The following SYCP1 variants were observed in gnomAD, a reference collection of about 807,000 sequenced individuals.
SYCP1 encodes the protein synaptonemal complex protein 1.
SYCP1 carries 64 observed loss-of-function variants against 153.1 expected under a neutral mutation model. That is an observed-to-expected ratio of 0.42 (90% CI 0.34 to 0.51). The LOEUF (loss-of-function observed/expected upper bound fraction) is 0.51. SYCP1 is among the 20% of genes least tolerant of loss of function. The probability of loss-of-function intolerance (pLI) is 0.06; values close to 1 mark genes in which losing one functional copy is unlikely to be tolerated. For synonymous variants in SYCP1, 384 were observed against 341.8 expected, an observed-to-expected ratio of 1.12 and a Z score of -1.36; for missense variants, 997 against 1,049.0, an observed-to-expected ratio of 0.95 and a Z score of 0.68.
At position 114,860,058 on chromosome 1, in the gene SYCP1, A is replaced by T. The variant is rs569122531; in HGVS notation, c.524+248A>T. Among the ~76,000 whole-genome samples, 8 of 152,308 alleles carry T rather than the reference A, an allele frequency of 5.3e-5. No individual in the cohort carries two copies. The South Asian group carries it at 1.7e-3, about 32-fold the overall frequency. ...CAGGAATAAACATTCCTTGGTGTCA[A>T]AAAAGATGCCTGATAATTCTGTATC... On this transcript the variant is annotated intron_variant, in intron 7 of 31. Coordinates refer to ENST00000369522, the MANE Select transcript of SYCP1 (RefSeq NM_003176.4).
chr1:114,908,354 T>C (rs2101657867), intron 16 of SYCP1, among the ~76,000 whole-genome samples: 4 of 152,310 alleles, frequency 2.6e-5, no homozygotes, highest in Middle Eastern at 6.8e-3. Context: ...GAAGTTGAAT[T>C]ATTATATTTG....
At chr1:114,946,079 C>G (rs1245020206) in intron 25 of SYCP1, among the ~76,000 whole-genome samples, 1 of 151,620 alleles carries the variant, frequency 6.6e-6, no homozygotes, top group African/African-American at 2.4e-5. Flanking sequence ...GTGTGTTTCA[C>G]TATTGAGGTT....
At chr1:114,988,639 C>T (rs1186153953) in intron 30 of SYCP1, among the ~76,000 whole-genome samples, 1 of 151,896 alleles carries the variant, frequency 6.6e-6, no homozygotes, top group Non-Finnish European at 1.5e-5. Context: ...TACCACTAAA[C>T]CTGCTCTTCA....
At chr1:114,906,775 T>C (rs1179104681) in intron 16 of SYCP1, among the ~76,000 whole-genome samples, 2 of 152,204 alleles carry the variant, frequency 1.3e-5, no homozygotes, top group Non-Finnish European at 2.9e-5. Flanking sequence ...TCTTAGTGAA[T>C]GTTCCATGTG....
intron 21 of SYCP1, among the ~76,000 whole-genome samples, chr1:114,923,942 G>T (rs561618701): frequency 6.6e-6 from 1 of 152,238 alleles, no homozygotes; most frequent in African/African-American, 2.4e-5. Flanking sequence ...TACAAGATAT[G>T]TGACATGATT....
At position 114,885,619 on chromosome 1, in the gene SYCP1, A is replaced by G. The variant is rs1570699263; in HGVS notation, c.995A>G (p.Gln332Arg). ...CTAGAAGATATTAAAGTGTCATTAC[A>G]AAGAAGTGTGGTATGATTTAAAAAC... is the stretch of plus-strand genomic sequence containing the variant. Reference protein sequence around the residue: ...KELEDIKVSLQRSVSTQKALE... With the variant: ...KELEDIKVSLRRSVSTQKALE... The change falls in exon 13 of 32, where the codon CAA becomes CGA. Residue 332 changes from glutamine (Q) to arginine (R), a missense_variant. By Grantham distance (43) the Gln-to-Arg change is conservative. Transcript: ENST00000369522. 6.4e-7 allele frequency: 1 copy of G among 1,567,868 alleles called. No homozygotes were observed. The highest frequency in any genetic ancestry group is 8.7e-7 in the Non-Finnish European group (1 of 1,153,062).
At chr1:114,945,494 A>T (rs1670650277) in intron 25 of SYCP1, among the ~76,000 whole-genome samples, 1 of 151,792 alleles carries the variant, frequency 6.6e-6, no homozygotes, top group Admixed American at 6.6e-5. Flanking sequence ...GGGTATACCT[A>T]CCTATTCAAT....
rs554128907 is a variant in SYCP1 at position 114,965,717 on chromosome 1, G to C, written c.2323-11840G>C. 2.6e-5 allele frequency among the ~76,000 whole-genome samples: 4 copies of C among 152,182 alleles called. No homozygotes were observed. The South Asian group carries it at 8.3e-4, about 32-fold the overall frequency. The stretch of plus-strand genomic sequence containing the variant: ...CCCAGGAATTGATCGCGGTGGATAA[G>C]CTTTTTGATGTGCTGCTGGATTAGG... On this transcript the variant is annotated intron_variant, in intron 27 of 31. Transcript: ENST00000369522.
At chr1:114,963,599 C>T (rs1671917007) in intron 27 of SYCP1, among the ~76,000 whole-genome samples, 2 of 152,102 alleles carry the variant, frequency 1.3e-5, no homozygotes, top group Admixed American at 6.6e-5. Context: ...GTCCAGCTTC[C>T]ACTTACAAGT....
rs36051645 is a variant in SYCP1, at chr1:114,866,902, CT to C, written c.598+6106del. Among the ~76,000 whole-genome samples the C allele has an allele frequency of 8.0e-3, 1,116 of 139,380 alleles. 8 individuals carry two copies. The highest frequency in any genetic ancestry group is 0.019 in the African/African-American group (725 of 37,790). The allele number at this position is 139,380 out of a possible 152,430, so 91.4% of individuals were successfully genotyped here. On this transcript the variant is annotated intron_variant, in intron 8 of 31. Coordinates refer to ENST00000369522, the MANE Select transcript of SYCP1 (RefSeq NM_003176.4). ...AGGGTGTAAGATCTGTGTCCAGATT[CT>C]TTTTTTTTTTTTGCATGCAGATGTC...
Position 114,876,151 on chromosome 1 carries a change from A to G in SYCP1, c.727+13A>G. On this transcript the variant is annotated intron_variant, in intron 10 of 31. Transcript: ENST00000369522. Reference sequence around the variant, plus strand: ...ATGCATTTTAAGTGTAGGTATAGGGATCTTACTTAATTTTTATATTACTGT... The same window carrying G: ...ATGCATTTTAAGTGTAGGTATAGGGGTCTTACTTAATTTTTATATTACTGT... The G allele has an allele frequency of 6.6e-7, 1 of 1,505,448 alleles. No individual in the cohort carries two copies. Among genetic ancestry groups the G allele is most frequent in the Non-Finnish European group, 8.9e-7 (1 of 1,121,388 alleles). 93.3% of individuals were successfully genotyped at this position (1,505,448 alleles called of 1,614,324 possible). A position where few individuals can be genotyped will look rare whatever the true frequency, so the allele number is the denominator to read the frequency against.
At chr1:114,945,807 T>C (rs1307105512) in intron 25 of SYCP1, among the ~76,000 whole-genome samples, 1 of 152,040 alleles carries the variant, frequency 6.6e-6, no homozygotes, top group Non-Finnish European at 1.5e-5. Context: ...ATACTTTAAG[T>C]TCTAGGGTAC....
At chr1:114,911,149 C>A (rs1668151347) in intron 17 of SYCP1, among the ~76,000 whole-genome samples, 1 of 151,570 alleles carries the variant, frequency 6.6e-6, no homozygotes, top group Non-Finnish European at 1.5e-5. Context: ...TAAGACACTA[C>A]CTGATTTCAT....
At chr1:114,957,925 A>G (rs532214737) in intron 27 of SYCP1, among the ~76,000 whole-genome samples, 1 of 152,340 alleles carries the variant, frequency 6.6e-6, no homozygotes, top group East Asian at 1.9e-4. Flanking sequence ...CAGCAATCCC[A>G]TTACTGAGTA....
At chr1:114,911,440 G>A (rs781770219) in intron 17 of SYCP1, 39 bp from the exon 18 acceptor site, 54 of 1,475,620 alleles carry the variant, frequency 3.7e-5, no homozygotes, top group Middle Eastern at 1.7e-4. Flanking sequence ...GAGAAAATTC[G>A]AAAAACACTT....
intron 18 of SYCP1, 126 bp from the exon 19 acceptor site, chr1:114,912,907 C>T (rs915392751): frequency 4.8e-6 from 3 of 623,048 alleles, no homozygotes; most frequent in South Asian, 4.4e-5. Context: ...AACCAATAGT[C>T]AATTTTGTTT....
chr1:114,884,129 G>A (rs569799124), intron 12 of SYCP1, among the ~76,000 whole-genome samples: 2 of 152,248 alleles, frequency 1.3e-5, no homozygotes, highest in African/African-American at 4.8e-5. Flanking sequence ...GTTTTGCATG[G>A]TCTTCATGAA....
intron 30 of SYCP1, among the ~76,000 whole-genome samples, chr1:114,985,628 T>C (rs1673448371): frequency 6.6e-6 from 1 of 151,914 alleles, no homozygotes; most frequent in African/African-American, 2.4e-5. Flanking sequence ...TTTGGGACCT[T>C]CTATTTTCAT....
intron 21 of SYCP1, among the ~76,000 whole-genome samples, chr1:114,924,656 T>A (rs1400136988): frequency 2.6e-5 from 4 of 152,028 alleles, no homozygotes; most frequent in African/African-American, 9.7e-5. Flanking sequence ...CCTGAAAGTA[T>A]CAGAGCATGG....
Sources: gnomAD v4.1 joint callset for allele counts (sites outside exome capture counted in the v4.1 genomes callset) on GRCh38, gnomAD v4.1.1 for gene constraint, MANE v1.5 for transcripts, NCBI Gene and HGNC (gene_info 2026-07-23, HGNC 2026-07-21) for gene names.